Variants in EYS observed in about 807,000 individuals in gnomAD.
EYS encodes the protein EGF-like photoreceptor maintenance factor.
Under a neutral mutation model 282.1 loss-of-function variants are expected in EYS, and 250 were observed. That is an observed-to-expected ratio of 0.89 (90% CI 0.80 to 0.98). The LOEUF (loss-of-function observed/expected upper bound fraction) is 0.98. EYS is among the 50% of genes least tolerant of loss of function. The pLI is 0.00. For missense variants in EYS, 4,016 were observed against 3,709.0 expected (o/e 1.08, Z -2.15); for synonymous variants, 1,355 against 1,282.9 (o/e 1.06, Z -1.20).
chr6:63,777,475 T>C (rs1291220426), intron 40 of EYS: 1 of 152,664 alleles, frequency 6.6e-6, no homozygotes, highest in Non-Finnish European at 1.5e-5. Context: ...TTCTTTAGCA[T>C]ATTCCCAGAA....
intron 26 of EYS, among the ~76,000 whole-genome samples, chr6:64,547,379 G>T (rs1235965671): frequency 6.6e-6 from 1 of 152,108 alleles, no homozygotes; most frequent in East Asian, 1.9e-4. Flanking sequence ...GCTGACTGGT[G>T]CGTTTGCAAT....
intron 24 of EYS, among the ~76,000 whole-genome samples, chr6:64,594,259 G>A (rs1766503153): frequency 6.6e-6 from 1 of 152,094 alleles, no homozygotes; most frequent in Non-Finnish European, 1.5e-5. Flanking sequence ...GGACCAGGTG[G>A]CTTTACTGCT....
chr6:65,322,915 T>C (rs1199339481), intron 11 of EYS, among the ~76,000 whole-genome samples: 1 of 151,066 alleles, frequency 6.6e-6, no homozygotes, highest in East Asian at 2.0e-4. Context: ...AAAAAGCACA[T>C]CCTGCTATTT....
At chr6:65,564,389 G>A (rs1489349997) in intron 2 of EYS, among the ~76,000 whole-genome samples, 1 of 152,140 alleles carries the variant, frequency 6.6e-6, no homozygotes, top group African/African-American at 2.4e-5. Context: ...CAAGCCTACA[G>A]TAACGAAAAT....
At chr6:65,275,229 G>GCTAA (rs1457922987) in intron 12 of EYS, among the ~76,000 whole-genome samples, 1 of 152,180 alleles carries the variant, frequency 6.6e-6, no homozygotes, top group African/African-American at 2.4e-5. Context: ...ATCCGCTGTG[G>GCTAA]CTAACTATGC....
At chr6:63,762,798 T>C (rs984687149) in intron 40 of EYS, among the ~76,000 whole-genome samples, 165 bp from the exon 41 acceptor site, 31 of 152,192 alleles carry the variant, frequency 2.0e-4, no homozygotes, top group African/African-American at 7.5e-4. Flanking sequence ...TAATAACTGG[T>C]TATAGGATTA....
chr6:64,027,697 A>G (rs575389680), intron 33 of EYS, among the ~76,000 whole-genome samples: 1 of 152,328 alleles, frequency 6.6e-6, no homozygotes, highest in South Asian at 2.1e-4. Context: ...AATGAGAAAC[A>G]AGCTGCCCCC....
chr6:63,803,356 A>G (rs1458274033), intron 37 of EYS, among the ~76,000 whole-genome samples: 6 of 151,916 alleles, frequency 3.9e-5, no homozygotes, highest in Non-Finnish European at 8.8e-5. Flanking sequence ...TTCCTGCGCT[A>G]TAGTGGGCAC....
intron 31 of EYS, among the ~76,000 whole-genome samples, chr6:64,175,736 T>G (rs1383214466): frequency 6.6e-6 from 1 of 152,060 alleles, no homozygotes; most frequent in Non-Finnish European, 1.5e-5. Context: ...CCCTGTGAAG[T>G]TTGTCACGCA....
intron 30 of EYS, among the ~76,000 whole-genome samples, chr6:64,282,537 C>A (rs1768344749): frequency 6.6e-6 from 1 of 152,164 alleles, no homozygotes; most frequent in African/African-American, 2.4e-5. Flanking sequence ...TTAGATGACT[C>A]CAGCTGCCAG....
intron 5 of EYS, among the ~76,000 whole-genome samples, chr6:65,451,700 ACT>A (rs1375095512): frequency 6.6e-6 from 1 of 151,836 alleles, no homozygotes; most frequent in African/African-American, 2.4e-5. Context: ...TATGAAACAC[ACT>A]GTTTTTTTAA....
In EYS at chr6:65,682,314, C is replaced by A. The variant is rs1051484881; in HGVS notation, c.-448+24821G>T. Among the ~76,000 whole-genome samples the A allele has an allele frequency of 2.6e-5, 4 of 151,806 alleles. No individual in the cohort carries two copies. In the South Asian group the frequency reaches 8.3e-4, roughly 32 times the overall value. ...TAGCAAGTCTGTCCAATCTTAGCTACGGAGTGGGAAGAAAACATGGTATTT... is the reference window on the plus strand; with the variant it reads ...TAGCAAGTCTGTCCAATCTTAGCTAAGGAGTGGGAAGAAAACATGGTATTT... On this transcript the variant is annotated intron_variant, in intron 1 of 42. Coordinates refer to ENST00000503581, the MANE Select transcript of EYS (RefSeq NM_001142800.2).
In EYS at chr6:64,926,937, GA is replaced by G. The variant is rs1294053970; in HGVS notation, c.2382-14195del. ...AGACTATACAGGCGATATACGTCAT[GA>G]TTTTTTTACAAAAGAAAGCAGAGTT... is the stretch of plus-strand genomic sequence containing the variant. On this transcript the variant is annotated intron_variant, in intron 15 of 42. Transcript: ENST00000503581. Among the ~76,000 whole-genome samples, 9 of 152,282 alleles carry G rather than the reference GA, an allele frequency of 5.9e-5. No homozygotes were observed. The South Asian group carries it at 1.7e-3, about 28-fold the overall frequency.
intron 22 of EYS, among the ~76,000 whole-genome samples, chr6:64,717,680 A>G (rs942845433): frequency 6.6e-6 from 1 of 152,172 alleles, no homozygotes; most frequent in African/African-American, 2.4e-5. Flanking sequence ...TGCTTACTTC[A>G]AAAAGAGTGT....
At chr6:64,289,225 C>T (rs1484106249) in intron 30 of EYS, among the ~76,000 whole-genome samples, 52 of 152,040 alleles carry the variant, frequency 3.4e-4, no homozygotes, top group Admixed American at 3.4e-3. Context: ...ATCTAGAGTG[C>T]TTTCCTCTTT....
At chr6:63,950,228 G>C (rs1765536673) in intron 35 of EYS, among the ~76,000 whole-genome samples, 1 of 151,684 alleles carries the variant, frequency 6.6e-6, no homozygotes, top group African/African-American at 2.4e-5. Context: ...AAACCTGCTT[G>C]TCAGGCTTCT....
chr6:63,777,450 G>A (rs187265783), intron 40 of EYS, among the ~76,000 whole-genome samples: 2 of 152,278 alleles, frequency 1.3e-5, no homozygotes, highest in Admixed American at 1.3e-4. Context: ...AAATGACATA[G>A]TGCTTACTTC....
At chr6:65,055,417 G>A (rs781587818) in intron 13 of EYS, among the ~76,000 whole-genome samples, 1 of 152,000 alleles carries the variant, frequency 6.6e-6, no homozygotes, top group Non-Finnish European at 1.5e-5. Context: ...TCCATAACAA[G>A]TTTCCCCTGT....
At chr6:64,947,403 C>T (rs904100973) in intron 14 of EYS, among the ~76,000 whole-genome samples, 4 of 151,722 alleles carry the variant, frequency 2.6e-5, no homozygotes, top group Admixed American at 2.6e-4. Context: ...TTGAACAGGG[C>T]CAATTGGTTT....
Sources: gnomAD v4.1 joint callset for allele counts (sites outside exome capture counted in the v4.1 genomes callset) on GRCh38, gnomAD v4.1.1 for gene constraint, MANE v1.5 for transcripts, NCBI Gene and HGNC (gene_info 2026-07-23, HGNC 2026-07-21) for gene names.